Variants in PHIP observed in about 807,000 individuals in gnomAD.
The protein encoded by PHIP is PH-interacting protein.
PHIP carries 54 observed loss-of-function variants against 236.8 expected under a neutral mutation model. That is an observed-to-expected ratio of 0.23 (90% CI 0.18 to 0.29). The LOEUF (loss-of-function observed/expected upper bound fraction) is 0.29, where lower values mean the gene tolerates loss of function less well. PHIP is among the 10% of genes least tolerant of loss of function. PHIP has a pLI of 1.00. For synonymous variants in PHIP, 756 were observed against 718.9 expected (o/e 1.05, Z -0.83); for missense variants, 1,370 against 2,190.8 (o/e 0.63, Z 7.48).
chr6:79,006,811 T>C (rs550966824), intron 15 of PHIP, among the ~76,000 whole-genome samples: 1 of 152,106 alleles, frequency 6.6e-6, no homozygotes, highest in East Asian at 1.9e-4. Context: ...TATGCATTCT[T>C]TTGGATATAT....
chr6:78,968,135 AAAAAT>A (rs2127703252), intron 27 of PHIP, among the ~76,000 whole-genome samples: 1 of 152,310 alleles, frequency 6.6e-6, no homozygotes, highest in East Asian at 1.9e-4. Context: ...ACTCCATCTC[AAAAAT>A]AAAATAAAAT....
chr6:78,974,148 T>C (rs1183883749), intron 24 of PHIP, among the ~76,000 whole-genome samples: 1 of 151,936 alleles, frequency 6.6e-6, no homozygotes, highest in Non-Finnish European at 1.5e-5. Context: ...TCAGCAAATG[T>C]AAAAGAACAG....
chr6:78,956,578 C>A (rs1023149324), intron 32 of PHIP: 3 of 152,044 alleles, frequency 2.0e-5, no homozygotes, highest in Non-Finnish European at 4.4e-5. Flanking sequence ...TCAAAGCCAC[C>A]CACGATGTGG....
At chr6:78,965,615 G>T in intron 29 of PHIP, 88 bp downstream of exon 29, 2 of 749,102 alleles carry the variant, frequency 2.7e-6, no homozygotes, top group Non-Finnish European at 4.6e-6. Flanking sequence ...ACTCACAACT[G>T]TAAGTGGTAG....
intron 39 of PHIP, among the ~76,000 whole-genome samples, 187 bp from the exon 40 acceptor site, chr6:78,941,517 A>G (rs1287101825): frequency 2.0e-5 from 3 of 152,076 alleles, no homozygotes; most frequent in African/African-American, 7.2e-5. Flanking sequence ...TCTAATTAAA[A>G]GAGACAGATT....
At chr6:79,025,654 A>G in intron 8 of PHIP, 35 bp from the exon 9 acceptor site, 2 of 1,264,340 alleles carry the variant, frequency 1.6e-6, no homozygotes, top group Non-Finnish European at 2.3e-6. Context: ...AATCTTTACA[A>G]GAGTGACACA....
Position 78,946,862 on chromosome 6 carries a change from T to C in PHIP, c.4219A>G (p.Ser1407Gly). The C allele has an allele frequency of 6.4e-7, 1 of 1,563,434 alleles. No individual in the cohort carries two copies. Among genetic ancestry groups the C allele is most frequent in the Non-Finnish European group, 8.6e-7 (1 of 1,160,978 alleles). ...TCAAAGAAAGCAGACAGGCGCAAAC[T>C]CATGCTGTAAATCTGTGAGGGAAAA... ...PSKRSRIYSMSLRLSAFFEEH... is the reference protein window; with the variant it reads ...PSKRSRIYSMGLRLSAFFEEH... Residue 1407 changes from serine to glycine, a missense_variant, in exon 37 of 40, where the codon AGT becomes GGT. Transcript: ENST00000275034.
chr6:78,971,832 A>G (rs1014243898), intron 24 of PHIP, among the ~76,000 whole-genome samples: 1 of 152,086 alleles, frequency 6.6e-6, no homozygotes, highest in Non-Finnish European at 1.5e-5. Flanking sequence ...GGCTTAAAAA[A>G]CGGCGCACCA....
At position 78,937,046 on chromosome 6, in the gene PHIP, T is replaced by C. The variant is rs1366930563; in HGVS notation, c.*3647A>G. On this transcript the variant is annotated 3_prime_UTR_variant, in exon 40 of 40. Transcript: ENST00000275034. ...TTTTAGGTTAATAGGAGTAATCAGATGATAAAACTACTTCCCCTATTATGA... is the reference window on the plus strand; with the variant it reads ...TTTTAGGTTAATAGGAGTAATCAGACGATAAAACTACTTCCCCTATTATGA... 1 of 151,894 alleles carries C rather than the reference T, an allele frequency of 6.6e-6. No individual in the cohort carries two copies. Among genetic ancestry groups the C allele is most frequent in the South Asian group, 2.1e-4 (1 of 4,830 alleles). The allele number at this position is 151,894 out of a possible 1,614,324, so 9.4% of individuals were successfully genotyped here. A position where few individuals can be genotyped will look rare whatever the true frequency, so the allele number is the denominator to read the frequency against.
intron 15 of PHIP, chr6:79,004,402 A>G (rs1770174611): frequency 1.0e-6 from 1 of 985,002 alleles, no homozygotes. Flanking sequence ...TTCCAGTTCC[A>G]TTAATCCAGA....
chr6:78,959,397 A>G (rs936493515), intron 31 of PHIP, among the ~76,000 whole-genome samples: 1 of 152,170 alleles, frequency 6.6e-6, no homozygotes, highest in Non-Finnish European at 1.5e-5. Flanking sequence ...GCTCATTCTG[A>G]TAACAGAATC....
Position 78,957,383 on chromosome 6 carries a change from A to G in PHIP, c.3782+1092T>C, listed in dbSNP as rs147304458. 119 of 152,092 alleles carry G rather than the reference A, an allele frequency of 7.8e-4. 1 individual carries two copies. The highest frequency in any genetic ancestry group is 2.7e-3 in the African/African-American group (114 of 41,568). The allele number at this position is 152,092 out of a possible 1,614,324, so 9.4% of individuals were successfully genotyped here. A position where few individuals can be genotyped will look rare whatever the true frequency, so the allele number is the denominator to read the frequency against. The stretch of plus-strand genomic sequence containing the variant: ...CAATAAGGAAAACAAAAGCATAGCA[A>G]TAATAGCCCCCAAACCATTGGAAAG... On this transcript the variant is annotated intron_variant, in intron 32 of 39. Transcript: ENST00000275034.
At position 78,947,636 on chromosome 6, in the gene PHIP, C is replaced by G; in HGVS notation, c.4193G>C (p.Ser1398Thr). 1 of 1,434,824 alleles carries G rather than the reference C, an allele frequency of 7.0e-7. No individual in the cohort carries two copies. 88.9% of individuals were successfully genotyped at this position (1,434,824 alleles called of 1,614,324 possible). The change falls in exon 36 of 40, where the codon AGC becomes ACC. Residue 1398 changes from serine to threonine, a missense_variant. By Grantham distance (58) the Ser-to-Thr change is moderately conservative. Around this residue, in one of 14 missense-constraint regions of PHIP, gnomAD observed 125 missense variants for 235.1 expected, o/e 0.53. Coordinates refer to ENST00000275034, the MANE Select transcript of PHIP (RefSeq NM_017934.7). Reference protein sequence around the residue: ...IFSNSKAYTPSKRSRIYSMSL... With the variant: ...IFSNSKAYTPTKRSRIYSMSL... ...GTAATTATATACCCTTGATCTTTTG[C>G]TTGGTGTATATGCTTTGGAATTACT... is the stretch of plus-strand genomic sequence containing the variant.
At chr6:78,948,754 A>G (rs1223264288) in intron 35 of PHIP, among the ~76,000 whole-genome samples, 2 of 152,200 alleles carry the variant, frequency 1.3e-5, no homozygotes, top group Non-Finnish European at 2.9e-5. Context: ...TTGACCTCCC[A>G]AAGTGCTGGG....
chr6:79,014,537 T>C (rs1770745883), intron 15 of PHIP, among the ~76,000 whole-genome samples: 2 of 151,788 alleles, frequency 1.3e-5, no homozygotes, highest in Admixed American at 1.3e-4. Context: ...GTATGTGATA[T>C]ATTAAAACAT....
At chr6:79,039,954 A>G (rs186777394) in intron 7 of PHIP, among the ~76,000 whole-genome samples, 73 of 152,256 alleles carry the variant, frequency 4.8e-4, no homozygotes, top group African/African-American at 1.7e-3. Context: ...CATACAAAAT[A>G]ATGATACATT....
intron 24 of PHIP, among the ~76,000 whole-genome samples, chr6:78,971,734 G>A (rs1189436483): frequency 6.6e-6 from 1 of 152,190 alleles, no homozygotes; most frequent in African/African-American, 2.4e-5. Flanking sequence ...GGGAGTCAGG[G>A]AGTTCCCTTT....
intron 31 of PHIP, among the ~76,000 whole-genome samples, chr6:78,959,824 A>C (rs1448567239): frequency 2.0e-5 from 3 of 152,198 alleles, no homozygotes; most frequent in African/African-American, 7.2e-5. Flanking sequence ...ATGGTGTTAC[A>C]TCCTGATAAA....
At chr6:79,030,936 T>TG (rs1329169065) in intron 7 of PHIP, among the ~76,000 whole-genome samples, 2 of 152,012 alleles carry the variant, frequency 1.3e-5, no homozygotes, top group Non-Finnish European at 2.9e-5. Context: ...TTCTTGTTTT[T>TG]TTTTGTTTGT....
Sources: gnomAD v4.1 joint callset for allele counts (sites outside exome capture counted in the v4.1 genomes callset) on GRCh38, gnomAD v4.1.1 for gene constraint, gnomAD v4.1.1 regional missense constraint, MANE v1.5 for transcripts, NCBI Gene and HGNC (gene_info 2026-07-23, HGNC 2026-07-21) for gene names.